The following PCDH7 variants were observed in gnomAD, a reference collection of about 807,000 sequenced individuals.
PCDH7 encodes protocadherin 7.
A neutral mutation model predicts 58.9 loss-of-function variants in PCDH7; 17 were observed. The observed-to-expected ratio is 0.29, with a 90% CI of 0.20 to 0.43. The LOEUF (loss-of-function observed/expected upper bound fraction) is 0.43, where lower values mean the gene tolerates loss of function less well. PCDH7 is among the 20% of genes least tolerant of loss of function. The pLI, the probability that PCDH7 is intolerant of heterozygous loss-of-function variation, is 1.00. For synonymous variants in PCDH7, 664 were observed against 616.4 expected (o/e 1.08, Z -1.14); for missense variants, 1,274 against 1,441.0 (o/e 0.88, Z 1.88).
chr4:30,869,120 C>T (rs1249001700), intron 1 of PCDH7: 1 of 151,996 alleles, frequency 6.6e-6, no homozygotes, highest in East Asian at 1.9e-4. Flanking sequence ...GCAGCTAATC[C>T]ACTGATCACG....
At chr4:30,982,960 C>A (rs1034761530) in intron 3 of PCDH7, among the ~76,000 whole-genome samples, 1 of 152,042 alleles carries the variant, frequency 6.6e-6, no homozygotes. Context: ...ACATTAACTG[C>A]AGTTGGGATC....
At chr4:31,108,963 C>A (rs1715944338) in intron 3 of PCDH7, among the ~76,000 whole-genome samples, 1 of 152,136 alleles carries the variant, frequency 6.6e-6, no homozygotes, top group Non-Finnish European at 1.5e-5. Context: ...CTGCGGTCCA[C>A]TAGGGGTTGT....
chr4:30,968,037 A>G (rs918542575), intron 3 of PCDH7, among the ~76,000 whole-genome samples: 1 of 152,114 alleles, frequency 6.6e-6, no homozygotes, highest in South Asian at 2.1e-4. Context: ...ATATATTTTT[A>G]AAGAATAGAT....
chr4:30,732,505 G>T (rs1715657475), exon 2 of PCDH7: 1 of 152,222 alleles, frequency 6.6e-6, no homozygotes, highest in African/African-American at 2.4e-5. Flanking sequence ...TTCTAAACAG[G>T]TTGCAACACA....
intron 1 of PCDH7, among the ~76,000 whole-genome samples, chr4:30,853,172 G>T (rs1181240305): frequency 6.6e-6 from 1 of 152,072 alleles, no homozygotes; most frequent in South Asian, 2.1e-4. Flanking sequence ...TAGGCCTTTG[G>T]AGTCAGAGAG....
chr4:31,030,654 A>G (rs1193252519), intron 3 of PCDH7, among the ~76,000 whole-genome samples: 1 of 152,232 alleles, frequency 6.6e-6, no homozygotes. Context: ...AGCAGCAGTA[A>G]CTGAAGAGCT....
At chr4:31,033,571 C>T (rs1298400172) in intron 3 of PCDH7, among the ~76,000 whole-genome samples, 1 of 152,142 alleles carries the variant, frequency 6.6e-6, no homozygotes, top group Non-Finnish European at 1.5e-5. Flanking sequence ...AATTCAAAAA[C>T]TCACTTCACG....
intron 1 of PCDH7, among the ~76,000 whole-genome samples, chr4:30,866,119 T>A (rs575137524): frequency 2.0e-5 from 3 of 152,210 alleles, no homozygotes; most frequent in South Asian, 2.1e-4. Context: ...TTATTTCTGC[T>A]CATTATCTCA....
At chr4:30,790,781 G>T (rs190690417) in intron 1 of PCDH7, among the ~76,000 whole-genome samples, 2 of 152,038 alleles carry the variant, frequency 1.3e-5, no homozygotes, top group African/African-American at 4.8e-5. Flanking sequence ...AAAATTAGCC[G>T]GGTGTGGTGG....
intron 3 of PCDH7, among the ~76,000 whole-genome samples, chr4:31,125,021 G>A (rs1718132039): frequency 1.3e-5 from 2 of 152,124 alleles, no homozygotes. Context: ...ATAAATGAGT[G>A]GTCTTCTTGC....
intron 1 of PCDH7, among the ~76,000 whole-genome samples, chr4:30,818,868 G>A (rs1380479621): frequency 6.6e-6 from 1 of 151,424 alleles, no homozygotes; most frequent in Non-Finnish European, 1.5e-5. Context: ...ACAAAACAGG[G>A]CTCAAAAGAG....
chr4:31,050,923 G>A (rs1391337649), intron 3 of PCDH7, among the ~76,000 whole-genome samples: 1 of 152,012 alleles, frequency 6.6e-6, no homozygotes, highest in African/African-American at 2.4e-5. Flanking sequence ...TTATAGCTAG[G>A]TTCTCTGCTT....
intron 1 of PCDH7, among the ~76,000 whole-genome samples, chr4:30,823,588 G>A (rs182097117): frequency 2.6e-5 from 4 of 152,014 alleles, no homozygotes; most frequent in African/African-American, 9.6e-5. Context: ...CTACCTCGGC[G>A]TACAGGGGTC....
chr4:30,782,598 A>C (rs751124542), intron 1 of PCDH7, among the ~76,000 whole-genome samples: 2 of 152,234 alleles, frequency 1.3e-5, no homozygotes, highest in Non-Finnish European at 2.9e-5. Context: ...CAAAGCATGC[A>C]AATTTATTTA....
intron 3 of PCDH7, among the ~76,000 whole-genome samples, chr4:31,082,022 G>A (rs866536495): frequency 1.1e-4 from 16 of 152,074 alleles, no homozygotes; most frequent in Middle Eastern, 3.2e-3. Context: ...TCCTGACCTC[G>A]CGATCTGCCC....
At chr4:31,008,947 T>TA (rs1239363451) in intron 3 of PCDH7, among the ~76,000 whole-genome samples, 2 of 152,122 alleles carry the variant, frequency 1.3e-5, no homozygotes, top group East Asian at 3.9e-4. Context: ...TGTTACCTAC[T>TA]ACTGCCACAC....
downstream of PCDH7, among the ~76,000 whole-genome samples, chr4:30,736,566 C>G (rs1194289437): frequency 7.1e-6 from 1 of 141,628 alleles, no homozygotes; most frequent in African/African-American, 2.7e-5. Context: ...GACGGGGTCT[C>G]GCTCTGCCGC....
At chr4:30,999,642 C>T (rs1403519418) in intron 3 of PCDH7, among the ~76,000 whole-genome samples, 1 of 152,028 alleles carries the variant, frequency 6.6e-6, no homozygotes, top group Non-Finnish European at 1.5e-5. Flanking sequence ...CGGGACCAAA[C>T]GATACATTAC....
intron 1 of PCDH7, among the ~76,000 whole-genome samples, chr4:30,798,488 TC>T (rs1281876488): frequency 2.6e-5 from 4 of 152,226 alleles, no homozygotes; most frequent in Non-Finnish European, 5.9e-5. Flanking sequence ...GAGACTTACT[TC>T]TTTAAGTTGA....
Sources: gnomAD v4.1 joint callset for allele counts (sites outside exome capture counted in the v4.1 genomes callset) on GRCh38, gnomAD v4.1.1 for gene constraint, MANE v1.5 for transcripts, NCBI Gene and HGNC (gene_info 2026-07-23, HGNC 2026-07-21) for gene names.